The following DTNB variants were observed in gnomAD, a reference collection of about 807,000 sequenced individuals.
DTNB encodes the protein dystrobrevin beta.
DTNB carries 63 observed loss-of-function variants against 90.7 expected under a neutral mutation model. The ratio of observed to expected loss-of-function variants is 0.69; its 90% CI spans 0.57 to 0.86. The LOEUF is 0.86. DTNB is among the 40% of genes least tolerant of loss of function. DTNB has a pLI of 0.00. For missense variants in DTNB, 744 were observed against 807.1 expected, an observed-to-expected ratio of 0.92 and a Z score of 0.95; for synonymous variants, 277 against 286.7, an observed-to-expected ratio of 0.97 and a Z score of 0.34.
intron 10 of DTNB, among the ~76,000 whole-genome samples, chr2:25,471,781 C>T (rs1371093382): frequency 6.7e-6 from 1 of 150,096 alleles, no homozygotes; most frequent in Non-Finnish European, 1.5e-5. Context: ...TCCCTCCCCA[C>T]CCCCCCATTT....
chr2:25,544,890 T>C (rs554541285), intron 8 of DTNB, among the ~76,000 whole-genome samples: 1 of 152,360 alleles, frequency 6.6e-6, no homozygotes, highest in South Asian at 2.1e-4. Flanking sequence ...AGTATATCCT[T>C]TATTAATTCT....
chr2:25,521,787 T>TG (rs1356583093), intron 9 of DTNB, among the ~76,000 whole-genome samples: 1 of 152,268 alleles, frequency 6.6e-6, no homozygotes, highest in Non-Finnish European at 1.5e-5. Context: ...GTAAAGGTCT[T>TG]GTTAGATCAT....
At chr2:25,400,541 A>G (rs2043451040) in intron 16 of DTNB, among the ~76,000 whole-genome samples, 1 of 152,222 alleles carries the variant, frequency 6.6e-6, no homozygotes, top group Non-Finnish European at 1.5e-5. Flanking sequence ...GCAAAGGTAG[A>G]GCAACTAGTC....
At chr2:25,400,636 G>A (rs940783816) in intron 16 of DTNB, among the ~76,000 whole-genome samples, 2 of 152,186 alleles carry the variant, frequency 1.3e-5, no homozygotes, top group African/African-American at 4.8e-5. Context: ...CCAGGAGAGG[G>A]CAATTCGCCT....
intron 9 of DTNB, among the ~76,000 whole-genome samples, chr2:25,505,144 G>A (rs2072048524): frequency 6.6e-6 from 1 of 152,086 alleles, no homozygotes; most frequent in Non-Finnish European, 1.5e-5. Flanking sequence ...TCCTCTCTAA[G>A]TAACTATCCA....
At chr2:25,564,960 T>C (rs2058793749) in intron 8 of DTNB, among the ~76,000 whole-genome samples, 2 of 152,218 alleles carry the variant, frequency 1.3e-5, no homozygotes, top group African/African-American at 4.8e-5. Context: ...TTGTATTGAT[T>C]TTGTATCTTA....
chr2:25,575,874 T>C (rs2148125610), intron 8 of DTNB, among the ~76,000 whole-genome samples: 1 of 152,338 alleles, frequency 6.6e-6, no homozygotes, highest in East Asian at 1.9e-4. Flanking sequence ...ATGGCATTTT[T>C]AGGACTCTGG....
chr2:25,625,391 T>G (rs2073886968), intron 4 of DTNB, among the ~76,000 whole-genome samples: 1 of 152,106 alleles, frequency 6.6e-6, no homozygotes. Flanking sequence ...AATTTTAAGC[T>G]TCCAGATAGC....
Position 25,531,582 on chromosome 2 carries a change from T to C in DTNB, c.892A>G (p.Lys298Glu), listed in dbSNP as rs1386714748. 6.2e-7 allele frequency: 1 copy of C among 1,613,828 alleles called. No homozygotes were observed. The highest frequency in any genetic ancestry group is 1.1e-5 in the South Asian group (1 of 91,016). ...GATTTACTAATTGCATGGCTCAGCT[T>C]CTTTGCAGGAGATTTCTGTGTCAAA... is the stretch of plus-strand genomic sequence containing the variant. Reference protein sequence around the residue: ...EHSSWKSPAKKLSHAISKSLG... With the variant: ...EHSSWKSPAKELSHAISKSLG... The change falls in exon 9 of 21, where the codon AAG becomes GAG. Residue 298 changes from lysine to glutamate, a missense_variant. Transcript: ENST00000406818.
At chr2:25,608,384 G>A (rs1010180152) in intron 4 of DTNB, among the ~76,000 whole-genome samples, 9 of 152,128 alleles carry the variant, frequency 5.9e-5, no homozygotes, top group Non-Finnish European at 1.3e-4. Context: ...ACACCACCAG[G>A]AAATATCAAT....
At chr2:25,622,882 A>G (rs1573570948) in intron 4 of DTNB, among the ~76,000 whole-genome samples, 1 of 152,230 alleles carries the variant, frequency 6.6e-6, no homozygotes. Context: ...ATCCCAAAAA[A>G]GAAAAATCAG....
At chr2:25,639,768 A>G (rs1001190258) in intron 2 of DTNB, among the ~76,000 whole-genome samples, 2 of 152,154 alleles carry the variant, frequency 1.3e-5, no homozygotes, top group Non-Finnish European at 2.9e-5. Flanking sequence ...ACAGTGCGGG[A>G]CTTCTGGAGA....
intron 16 of DTNB, among the ~76,000 whole-genome samples, chr2:25,396,757 C>G (rs1336770505): frequency 7.7e-6 from 1 of 130,278 alleles, no homozygotes; most frequent in Admixed American, 7.5e-5. Flanking sequence ...AAAAAAAAGA[C>G]TGGTGCTAGG....
intron 8 of DTNB, among the ~76,000 whole-genome samples, chr2:25,535,529 C>G (rs188341122): frequency 0.018 from 2,523 of 138,716 alleles, 130 homozygotes; most frequent in African/African-American, 0.066. Flanking sequence ...ACTTCCCAGA[C>G]GGGGCGGCCG....
intron 12 of DTNB, among the ~76,000 whole-genome samples, chr2:25,445,145 CAGTA>C (rs1364237836): frequency 6.6e-6 from 1 of 152,152 alleles, no homozygotes; most frequent in Non-Finnish European, 1.5e-5. Flanking sequence ...TATGTAAACT[CAGTA>C]AGACTATATA....
intron 2 of DTNB, among the ~76,000 whole-genome samples, chr2:25,648,351 A>C (rs1051669545): frequency 3.9e-5 from 6 of 152,364 alleles, no homozygotes; most frequent in African/African-American, 1.4e-4. Context: ...ATATTAAGCA[A>C]AGAAAGAATA....
intron 4 of DTNB, among the ~76,000 whole-genome samples, chr2:25,610,180 A>C (rs1400867855): frequency 6.6e-6 from 1 of 152,154 alleles, no homozygotes; most frequent in Non-Finnish European, 1.5e-5. Flanking sequence ...GCGTGATCAC[A>C]GCACACTGCA....
chr2:25,445,884 A>G (rs2058336884), intron 12 of DTNB, among the ~76,000 whole-genome samples: 1 of 149,980 alleles, frequency 6.7e-6, no homozygotes, highest in Admixed American at 6.6e-5. Context: ...TCCCTGTCCC[A>G]GCTTGGCCAC....
chr2:25,507,041 C>T (rs185572658), intron 9 of DTNB, among the ~76,000 whole-genome samples: 1 of 152,276 alleles, frequency 6.6e-6, no homozygotes, highest in Admixed American at 6.5e-5. Context: ...AAAGAATTAA[C>T]TGAATAACCA....
Sources: allele counts gnomAD v4.1 joint callset (sites outside exome capture counted in the v4.1 genomes callset), GRCh38; gene constraint gnomAD v4.1.1; transcripts MANE v1.5; gene names NCBI Gene and HGNC (gene_info 2026-07-23, HGNC 2026-07-21).